The following ASXL2 variants were observed in gnomAD, a reference collection of about 807,000 sequenced individuals.
The protein encoded by ASXL2 is putative Polycomb group protein ASXL2.
A neutral mutation model predicts 122.0 loss-of-function variants in ASXL2; 23 were observed. That is an observed-to-expected ratio of 0.19 (90% CI 0.14 to 0.27). The LOEUF is 0.27. Ranked by LOEUF, ASXL2 falls within the 10% of genes least tolerant of loss-of-function variation. ASXL2 has a pLI of 1.00. For missense variants in ASXL2, 1,518 were observed against 1,713.8 expected (o/e 0.89, Z 2.02); for synonymous variants, 650 against 637.0 (o/e 1.02, Z -0.31).
chr2:25,810,472 T>G, intron 3 of ASXL2: 1 of 733,404 alleles, frequency 1.4e-6, no homozygotes, highest in Non-Finnish European at 2.5e-6. Flanking sequence ...ACAGTCCAGC[T>G]CCTCTTCAAC....
In ASXL2 at chr2:25,739,516, G is replaced by A. The variant is rs1179781297; in HGVS notation, c.*2513C>T. ...CTTAACTGTTCTCTTGTCTGGTCAA[G>A]ATTGAGGCAGTGTATCTAGTTGGCA... On this transcript the variant is annotated 3_prime_UTR_variant, in exon 13 of 13. Coordinates refer to ENST00000435504, the MANE Select transcript of ASXL2 (RefSeq NM_018263.6). The A allele has an allele frequency of 5.3e-6, 1 of 189,674 alleles. No homozygotes were observed. Among genetic ancestry groups the A allele is most frequent in the Non-Finnish European group, 1.1e-5 (1 of 90,338 alleles). The allele number at this position is 189,674 out of a possible 1,614,324, so 11.7% of individuals were successfully genotyped here.
intron 3 of ASXL2, chr2:25,810,734 T>A (rs2089154867): frequency 1.7e-6 from 1 of 604,050 alleles, no homozygotes; most frequent in African/African-American, 1.8e-5. Context: ...CACCAGTGTA[T>A]CAAGTCTTGC....
chr2:25,851,056 G>A (rs564177702), intron 1 of ASXL2, among the ~76,000 whole-genome samples: 1 of 151,044 alleles, frequency 6.6e-6, no homozygotes, highest in African/African-American at 2.4e-5. Flanking sequence ...GGAGGCAGGA[G>A]AATCACTTGA....
At chr2:25,863,191 G>A (rs538487524) in intron 1 of ASXL2, among the ~76,000 whole-genome samples, 6 of 151,822 alleles carry the variant, frequency 4.0e-5, no homozygotes, top group Admixed American at 6.6e-5. Context: ...TTAGCCGGGC[G>A]TGGTGGTACG....
chr2:25,788,896 T>C (rs2088789084), intron 5 of ASXL2, among the ~76,000 whole-genome samples: 4 of 152,182 alleles, frequency 2.6e-5, no homozygotes, highest in Admixed American at 2.0e-4. Flanking sequence ...TTTTGATGAA[T>C]GCAACTTCTT....
In ASXL2 at chr2:25,744,206, T is replaced by G. The variant is rs1427517836; in HGVS notation, c.2131A>C (p.Arg711=). ...CTGTCTGAGCCTGGACTGCCTCCTC[T>G]AGCAGTCTGCCCTTCACCACCCTCT... ...PGEGGEGQTA[R]GGSPGSDRVS... The change falls in exon 13 of 13, where the codon AGA becomes CGA. Residue 711 remains arginine, a synonymous_variant. Transcript: ENST00000435504. The surrounding 1 kb of genome is among the most constrained non-coding windows in gnomAD (Gnocchi z 4.7). The G allele has an allele frequency of 5.6e-6, 9 of 1,614,026 alleles. No individual in the cohort carries two copies. Among genetic ancestry groups the G allele is most frequent in the Non-Finnish European group, 6.8e-6 (8 of 1,179,878 alleles).
Position 25,810,082 on chromosome 2 carries a change from G to C in ASXL2, c.144-3745C>G, listed in dbSNP as rs897843975. ...ACTCAGCACAGGTCTCTACCTCCTT[G>C]AGTTTATCAGTAAGAATCTTGATCT... On this transcript the variant is annotated intron_variant, in intron 3 of 12. Coordinates refer to ENST00000435504, the MANE Select transcript of ASXL2 (RefSeq NM_018263.6). 12 of 551,370 alleles carry C rather than the reference G, an allele frequency of 2.2e-5. No individual in the cohort carries two copies. The African/African-American group carries it at 2.3e-4, about 10-fold the overall frequency. The allele number at this position is 551,370 out of a possible 1,614,324, so 34.2% of individuals were successfully genotyped here.
At position 25,856,704 on chromosome 2, in the gene ASXL2, T is replaced by G. The variant is rs1314607165; in HGVS notation, c.58-11141A>C. On this transcript the variant is annotated intron_variant, in intron 1 of 12. Transcript: ENST00000435504. ...GTTAGAGTGAGCCAGTTTGCATACC[T>G]GGATCGATTCAGTCACCGAGCCGAT... The G allele has an allele frequency of 1.1e-5, 14 of 1,296,996 alleles. No individual in the cohort carries two copies. In the Admixed American group the frequency reaches 2.1e-4, roughly 19 times the overall value. The allele number at this position is 1,296,996 out of a possible 1,614,324, so 80.3% of individuals were successfully genotyped here.
chr2:25,845,500 C>A lies in ASXL2; in HGVS notation c.121G>T (p.Glu41Ter). The A allele has an allele frequency of 6.7e-7, 1 of 1,498,988 alleles. No individual in the cohort carries two copies. The allele number at this position is 1,498,988 out of a possible 1,614,324, so 92.9% of individuals were successfully genotyped here. A position where few individuals can be genotyped will look rare whatever the true frequency, so the allele number is the denominator to read the frequency against. ...ACTCACCTGATTTCTTTTAGTCCTT[C>A]TCTCTGGATAACTTGAAGAATTTCT... is the stretch of plus-strand genomic sequence containing the variant. ...HKEILQVIQR[E>*]GLKEIRSGTS... Residue 41 changes from glutamate to a stop codon, truncating the protein, a stop_gained, in exon 2 of 13, where the codon GAA (glutamate) becomes TAA (stop). Transcript: ENST00000435504. LOFTEE classifies it high-confidence loss of function.
At chr2:25,770,176 C>T (rs1472756028) in intron 6 of ASXL2, among the ~76,000 whole-genome samples, 1 of 152,190 alleles carries the variant, frequency 6.6e-6, no homozygotes, top group Non-Finnish European at 1.5e-5. Context: ...GCATCTATTT[C>T]TGCTGTGATC....
At chr2:25,761,721 A>G (rs952271203) in intron 8 of ASXL2, among the ~76,000 whole-genome samples, 4 of 151,914 alleles carry the variant, frequency 2.6e-5, no homozygotes, top group African/African-American at 7.3e-5. Flanking sequence ...TAAACTTCTT[A>G]AAATGAAATT....
At chr2:25,809,974 G>T in intron 3 of ASXL2, 1 of 528,594 alleles carries the variant, frequency 1.9e-6, no homozygotes, top group South Asian at 1.4e-5. Context: ...CCTTTGTACA[G>T]AGTGCCCCTC....
Position 25,850,163 on chromosome 2 carries a change from A to G in ASXL2, c.58-4600T>C, listed in dbSNP as rs150244096. On this transcript the variant is annotated intron_variant, in intron 1 of 12. Coordinates refer to ENST00000435504, the MANE Select transcript of ASXL2 (RefSeq NM_018263.6). ...TTCATTCATTATTATTGTAGTATATATCTCTGAAAACAAGGACTTAAATTT... is the reference window on the plus strand; with the variant it reads ...TTCATTCATTATTATTGTAGTATATGTCTCTGAAAACAAGGACTTAAATTT... 2.5e-3 allele frequency among the ~76,000 whole-genome samples: 377 copies of G among 148,526 alleles called. 3 individuals are homozygous for G. Among genetic ancestry groups the G allele is most frequent in the African/African-American group, 9.0e-3 (360 of 39,888 alleles).
intron 5 of ASXL2, chr2:25,780,406 T>C (rs1232291091): frequency 6.6e-6 from 1 of 152,226 alleles, no homozygotes; most frequent in African/African-American, 2.4e-5. Flanking sequence ...CACCAGATTT[T>C]GTTGATGGGT....
At chr2:25,822,573 T>G in intron 3 of ASXL2, 1 of 510,140 alleles carries the variant, frequency 2.0e-6, no homozygotes, top group Non-Finnish European at 3.7e-6. Context: ...AATCCAAACT[T>G]AACATTCAGT....
intron 2 of ASXL2, among the ~76,000 whole-genome samples, chr2:25,843,954 A>G (rs550372426): frequency 6.8e-4 from 104 of 152,326 alleles, no homozygotes; most frequent in African/African-American, 2.4e-3. Context: ...CAATGGGAAC[A>G]CTATTGGCAC....
At chr2:25,822,436 CA>C in intron 3 of ASXL2, 1 of 347,328 alleles carries the variant, frequency 2.9e-6, no homozygotes, top group South Asian at 3.7e-5. Context: ...GAGGGCCGCC[CA>C]CCTGTTCGCC....
At chr2:25,822,407 C>G (rs2089323215) in intron 3 of ASXL2, 1 of 294,176 alleles carries the variant, frequency 3.4e-6, no homozygotes, top group Admixed American at 4.3e-5. Context: ...AGTCGACTCC[C>G]TAGCAGCAGT....
intron 3 of ASXL2, among the ~76,000 whole-genome samples, chr2:25,809,227 AG>A (rs1478786696): frequency 6.6e-6 from 1 of 151,960 alleles, no homozygotes; most frequent in East Asian, 1.9e-4. Context: ...CAGGCAGTTG[AG>A]AGGGGGCAGA....
Sources: allele counts gnomAD v4.1 joint callset (sites outside exome capture counted in the v4.1 genomes callset), GRCh38; gene constraint gnomAD v4.1.1; non-coding constraint Gnocchi (gnomAD v3.1); transcripts MANE v1.5; gene names NCBI Gene and HGNC (gene_info 2026-07-23, HGNC 2026-07-21).